Variants in HPCAL1 observed in about 807,000 individuals in gnomAD.
The protein encoded by HPCAL1 is hippocalcin like 1.
Under a neutral mutation model 17.1 loss-of-function variants are expected in HPCAL1, and 8 were observed. That is an observed-to-expected ratio of 0.47 (90% CI 0.27 to 0.84). The LOEUF (loss-of-function observed/expected upper bound fraction) is 0.84, where lower values mean the gene tolerates loss of function less well. Among genes scored for constraint, HPCAL1 ranks in the 40% least tolerant of loss-of-function variants. The pLI, the probability that HPCAL1 is intolerant of heterozygous loss-of-function variation, is 0.13. For missense variants in HPCAL1, 165 were observed against 271.1 expected (o/e 0.61, Z 2.75); for synonymous variants, 112 against 111.4 (o/e 1.01, Z -0.03).
intron 1 of HPCAL1, among the ~76,000 whole-genome samples, chr2:10,319,577 G>T (rs2125399916): frequency 6.7e-6 from 1 of 148,922 alleles, no homozygotes; most frequent in East Asian, 2.0e-4. Context: ...GGCAGGTGGG[G>T]TGGGGTGGGG....
intron 1 of HPCAL1, among the ~76,000 whole-genome samples, chr2:10,357,740 A>G (rs1368247710): frequency 6.6e-6 from 1 of 152,200 alleles, no homozygotes; most frequent in Non-Finnish European, 1.5e-5. Flanking sequence ...GAAAATCAAG[A>G]AAGCGTGTTT....
At chr2:10,414,234 G>C (rs111880043) in intron 2 of HPCAL1, among the ~76,000 whole-genome samples, 1 of 152,216 alleles carries the variant, frequency 6.6e-6, no homozygotes, top group Non-Finnish European at 1.5e-5. Flanking sequence ...CAGAGACACC[G>C]ATAACACATG....
rs768317659 is a variant in HPCAL1 at position 10,419,723 on chromosome 2, C to G, written c.-24-11C>G. 6.3e-7 allele frequency: 1 copy of G among 1,584,934 alleles called. No homozygotes were observed. The highest frequency in any genetic ancestry group is 1.7e-4 in the Middle Eastern group (1 of 5,844). On this transcript the variant is annotated splice_polypyrimidine_tract_variant and intron_variant, in intron 2 of 4. Coordinates refer to ENST00000307845, the MANE Select transcript of HPCAL1 (RefSeq NM_002149.4). This position sits in a 1 kb window ranked among gnomAD's most constrained non-coding sequence, Gnocchi z 5.0. Reference sequence around the variant, plus strand: ...GTGGGTGGCGTCCCCGGCTGACCCCCTGTCTTGCAGGTGTAGTCGCCGCCG... The same window carrying G: ...GTGGGTGGCGTCCCCGGCTGACCCCGTGTCTTGCAGGTGTAGTCGCCGCCG...
intron 3 of HPCAL1, among the ~76,000 whole-genome samples, chr2:10,421,233 C>T (rs1226865217): frequency 2.6e-5 from 4 of 152,234 alleles, no homozygotes; most frequent in Non-Finnish European, 5.9e-5. Flanking sequence ...ACGGGAAAGA[C>T]GTCACTTTAG....
chr2:10,378,726 CAG>C (rs1332520033), intron 1 of HPCAL1, among the ~76,000 whole-genome samples: 2 of 152,212 alleles, frequency 1.3e-5, no homozygotes, highest in Non-Finnish European at 1.5e-5. Flanking sequence ...CACAGCCGTT[CAG>C]TCCATGACCA....
chr2:10,409,155 T>C (rs1385237741), intron 2 of HPCAL1, among the ~76,000 whole-genome samples: 1 of 152,220 alleles, frequency 6.6e-6, no homozygotes, highest in Non-Finnish European at 1.5e-5. Context: ...GAGTTCAGAC[T>C]GGCGACGGTT....
At chr2:10,390,604 G>A (rs1189790328) in intron 1 of HPCAL1, among the ~76,000 whole-genome samples, 2 of 152,022 alleles carry the variant, frequency 1.3e-5, no homozygotes, top group African/African-American at 4.8e-5. Flanking sequence ...GCACACATCT[G>A]CCTGCTATGA....
rs567775517 is a variant in HPCAL1 at position 10,381,528 on chromosome 2, C to G, written c.-110-15307C>G. Among the ~76,000 whole-genome samples, 17 of 152,320 alleles carry G rather than the reference C, an allele frequency of 1.1e-4. 1 individual carries two copies. Among genetic ancestry groups the G allele is most frequent in the African/African-American group, 3.4e-4 (14 of 41,552 alleles). On this transcript the variant is annotated intron_variant, in intron 1 of 4. Coordinates refer to ENST00000307845, the MANE Select transcript of HPCAL1 (RefSeq NM_002149.4). ...GGACTACAGGGACAATGTTTGTCAG[C>G]CTGTCTTCTGGGCAACTTGGGGTAT...
intron 2 of HPCAL1, among the ~76,000 whole-genome samples, chr2:10,411,547 C>T (rs1670353897): frequency 6.6e-6 from 1 of 152,196 alleles, no homozygotes; most frequent in Non-Finnish European, 1.5e-5. Context: ...CGCCGAGTGC[C>T]CCGGGAATGA....
At chr2:10,319,512 C>T (rs923358149) in intron 1 of HPCAL1, among the ~76,000 whole-genome samples, 4 of 145,896 alleles carry the variant, frequency 2.7e-5, no homozygotes, top group Non-Finnish European at 4.5e-5. Flanking sequence ...TAGCAAGCAG[C>T]TCTGCTCAAA....
At chr2:10,399,574 C>G (rs1399425147) in intron 2 of HPCAL1, among the ~76,000 whole-genome samples, 1 of 44,196 alleles carries the variant, frequency 2.3e-5, no homozygotes, top group Non-Finnish European at 4.6e-5. Context: ...ACCGCCACCA[C>G]CACCGCCACC....
intron 1 of HPCAL1, among the ~76,000 whole-genome samples, chr2:10,378,583 C>G (rs1667738600): frequency 6.6e-6 from 1 of 152,108 alleles, no homozygotes; most frequent in Admixed American, 6.5e-5. Context: ...CCTCTTCTTA[C>G]AAGGACACTA....
At chr2:10,334,636 T>C (rs1369938207) in intron 1 of HPCAL1, among the ~76,000 whole-genome samples, 1 of 152,220 alleles carries the variant, frequency 6.6e-6, no homozygotes, top group African/African-American at 2.4e-5. Flanking sequence ...GATACATAGA[T>C]GTGGTTCATG....
chr2:10,362,821 C>A lies in HPCAL1; in HGVS notation c.-110-34014C>A, dbSNP rs1026549838. Among the ~76,000 whole-genome samples the A allele has an allele frequency of 6.6e-6, 1 of 152,210 alleles. No homozygotes were observed. The highest frequency in any genetic ancestry group is 6.5e-5 in the Admixed American group (1 of 15,288). ...TGAGTCATGAGATTGGGTTGAATGG[C>A]GGCTTTAGCACAGCTGTGGCCTGTG... On this transcript the variant is annotated intron_variant, in intron 1 of 4. Coordinates refer to ENST00000307845, the MANE Select transcript of HPCAL1 (RefSeq NM_002149.4). This position sits in a 1 kb window ranked among gnomAD's most constrained non-coding sequence, Gnocchi z 5.0.
chr2:10,380,933 T>G (rs1667902025), intron 1 of HPCAL1, among the ~76,000 whole-genome samples: 1 of 152,220 alleles, frequency 6.6e-6, no homozygotes, highest in Admixed American at 6.5e-5. Flanking sequence ...AAGAATGTTT[T>G]GAATAAGCGA....
intron 2 of HPCAL1, among the ~76,000 whole-genome samples, chr2:10,400,510 G>A (rs1173433821): frequency 6.6e-6 from 1 of 152,152 alleles, no homozygotes; most frequent in Non-Finnish European, 1.5e-5. Flanking sequence ...GATCCCAGGC[G>A]GGCATCTCAG....
At chr2:10,372,629 C>G (rs1250945692) in intron 1 of HPCAL1, among the ~76,000 whole-genome samples, 2 of 152,220 alleles carry the variant, frequency 1.3e-5, no homozygotes, top group African/African-American at 4.8e-5. Context: ...CTTCCCGAAA[C>G]AGCTGAGATC....
chr2:10,376,107 T>C (rs1352300113), intron 1 of HPCAL1, among the ~76,000 whole-genome samples: 25 of 152,166 alleles, frequency 1.6e-4, no homozygotes, highest in Admixed American at 1.6e-3. Context: ...ATGTGACACA[T>C]TGGCTCCCCA....
chr2:10,384,029 C>CACA lies in HPCAL1; in HGVS notation c.-110-12806_-110-12805insACA, dbSNP rs1553353473. 2.0e-5 allele frequency among the ~76,000 whole-genome samples: 3 copies of CACA among 149,976 alleles called. No individual in the cohort carries two copies. The highest frequency in any genetic ancestry group is 2.0e-4 in the East Asian group (1 of 5,022). On this transcript the variant is annotated intron_variant, in intron 1 of 4. Coordinates refer to ENST00000307845, the MANE Select transcript of HPCAL1 (RefSeq NM_002149.4). The surrounding 1 kb of genome is among the most constrained non-coding windows in gnomAD (Gnocchi z 4.4). ...ATATACATCGCGTACACACACACAC[C>CACA]CACACACACACACACCTTTTGCTGG...
Sources: allele counts gnomAD v4.1 joint callset (sites outside exome capture counted in the v4.1 genomes callset), GRCh38; gene constraint gnomAD v4.1.1; non-coding constraint Gnocchi (gnomAD v3.1); transcripts MANE v1.5; gene names NCBI Gene and HGNC (gene_info 2026-07-23, HGNC 2026-07-21).